Variants in PCMT1 observed in about 807,000 individuals in gnomAD.
PCMT1 encodes protein-L-isoaspartate(D-aspartate) O-methyltransferase.
PCMT1 carries 9 observed loss-of-function variants against 29.2 expected under a neutral mutation model. The ratio of observed to expected loss-of-function variants is 0.31; its 90% CI spans 0.19 to 0.54. The LOEUF (loss-of-function observed/expected upper bound fraction) is 0.54. PCMT1 is among the 20% of genes least tolerant of loss of function. The pLI is 0.95. For missense variants in PCMT1, 184 were observed against 282.2 expected (o/e 0.65, Z 2.49); for synonymous variants, 98 against 97.5 (o/e 1.00, Z -0.03).
intron 5 of PCMT1, chr6:149,794,971 G>A (rs577862844): frequency 5.0e-5 from 20 of 403,312 alleles, no homozygotes; most frequent in African/African-American, 2.5e-4. Flanking sequence ...CAAGGCGGGC[G>A]GATCACTTGT....
chr6:149,756,984 G>A (rs1199798911), intron 1 of PCMT1, among the ~76,000 whole-genome samples: 1 of 151,750 alleles, frequency 6.6e-6, no homozygotes. Context: ...GCGAAAACCC[G>A]TCTCTACTAA....
chr6:149,806,001 T>G (rs1429257703), intron 7 of PCMT1, among the ~76,000 whole-genome samples: 1 of 151,950 alleles, frequency 6.6e-6, no homozygotes, highest in African/African-American at 2.4e-5. Context: ...AAAAAAAAAT[T>G]TCTCCAGGTG....
chr6:149,769,694 G>A (rs1316713300), intron 1 of PCMT1, among the ~76,000 whole-genome samples: 1 of 151,572 alleles, frequency 6.6e-6, no homozygotes, highest in African/African-American at 2.4e-5. Context: ...AAACTCCTGG[G>A]CTCAAGCAAT....
At chr6:149,778,207 A>AT (rs1259030641) in intron 3 of PCMT1, among the ~76,000 whole-genome samples, 1 of 147,508 alleles carries the variant, frequency 6.8e-6, no homozygotes, top group Non-Finnish European at 1.5e-5. Flanking sequence ...CTTTTGCTTA[A>AT]TTTTTTTTAA....
At chr6:149,762,236 G>A (rs1417898593) in intron 1 of PCMT1, among the ~76,000 whole-genome samples, 2 of 151,456 alleles carry the variant, frequency 1.3e-5, no homozygotes, top group African/African-American at 2.4e-5. Context: ...GGATTCTATT[G>A]TAGTCTCCTT....
At chr6:149,755,659 TGTC>T in intron 1 of PCMT1, among the ~76,000 whole-genome samples, 1 of 152,346 alleles carries the variant, frequency 6.6e-6, no homozygotes, top group Admixed American at 6.5e-5. Context: ...TTCTTGATTT[TGTC>T]ATTTTACATA....
At chr6:149,753,815 G>A (rs1252772408) in intron 1 of PCMT1, among the ~76,000 whole-genome samples, 1 of 152,062 alleles carries the variant, frequency 6.6e-6, no homozygotes, top group Admixed American at 6.6e-5. Context: ...CTTATGTCAT[G>A]GCTTATATTA....
intron 6 of PCMT1, 138 bp downstream of exon 6, chr6:149,796,638 CTCTTT>C (rs1274403196): frequency 1.2e-5 from 7 of 568,304 alleles, no homozygotes; most frequent in African/African-American, 3.9e-5. Context: ...TTAGCTGTTA[CTCTTT>C]TCTTTTTTCA....
At chr6:149,774,763 G>A (rs573924723) in intron 3 of PCMT1, among the ~76,000 whole-genome samples, 180 of 142,698 alleles carry the variant, frequency 1.3e-3, no homozygotes, top group African/African-American at 4.4e-3. Flanking sequence ...CTGGAGTGCA[G>A]TGGCGCCATC....
Position 149,793,947 on chromosome 6 carries a change from G to A in PCMT1, c.418+278G>A, listed in dbSNP as rs77010404. Among the ~76,000 whole-genome samples the A allele has an allele frequency of 9.6e-3, 1,457 of 152,220 alleles. 24 individuals are homozygous for A. The highest frequency in any genetic ancestry group is 0.033 in the African/African-American group (1,373 of 41,526). On this transcript the variant is annotated intron_variant, in intron 5 of 7. Coordinates refer to ENST00000464889, the MANE Select transcript of PCMT1 (RefSeq NM_001360452.2). ...TTGTCTTTTGTGAAGTACCTGTTCA[G>A]ATATTGGATTGCTTGTATTTTTGAC...
chr6:149,764,122 GA>G (rs1786972366), intron 1 of PCMT1, among the ~76,000 whole-genome samples: 1 of 152,182 alleles, frequency 6.6e-6, no homozygotes, highest in Non-Finnish European at 1.5e-5. Flanking sequence ...AATTTCAGGG[GA>G]AATGAACCAC....
At chr6:149,801,417 GT>G (rs1220905641) in intron 6 of PCMT1, among the ~76,000 whole-genome samples, 4 of 152,048 alleles carry the variant, frequency 2.6e-5, no homozygotes, top group Non-Finnish European at 4.4e-5. Flanking sequence ...CCAGTTTCGG[GT>G]TTTCAGATTA....
At chr6:149,790,720 A>G (rs1788330956) in intron 4 of PCMT1, among the ~76,000 whole-genome samples, 1 of 151,960 alleles carries the variant, frequency 6.6e-6, no homozygotes, top group South Asian at 2.1e-4. Context: ...CTTAAAACCT[A>G]CTGAGGGACC....
intron 7 of PCMT1, among the ~76,000 whole-genome samples, chr6:149,808,882 C>A (rs896584106): frequency 6.6e-6 from 1 of 151,710 alleles, no homozygotes; most frequent in Non-Finnish European, 1.5e-5. Flanking sequence ...ATGATCCGCC[C>A]GCCTTGGCCT....
intron 1 of PCMT1, among the ~76,000 whole-genome samples, chr6:149,762,027 A>G (rs1328808517): frequency 4.6e-5 from 7 of 152,098 alleles, no homozygotes; most frequent in African/African-American, 1.7e-4. Context: ...ATGCTTCATC[A>G]GTTGCTTTAA....
intron 7 of PCMT1, among the ~76,000 whole-genome samples, chr6:149,805,486 C>T (rs559851012): frequency 1.6e-4 from 25 of 151,808 alleles, no homozygotes; most frequent in South Asian, 6.2e-4. Flanking sequence ...CCCAGCTACT[C>T]GGGAGGCTGA....
chr6:149,804,119 A>C (rs1775938857), intron 7 of PCMT1, among the ~76,000 whole-genome samples: 1 of 151,798 alleles, frequency 6.6e-6, no homozygotes, highest in African/African-American at 2.4e-5. Context: ...AAGGCATTTA[A>C]AAAATTACTG....
intron 7 of PCMT1, among the ~76,000 whole-genome samples, chr6:149,808,415 G>C (rs771849143): frequency 2.6e-5 from 4 of 151,978 alleles, no homozygotes; most frequent in Admixed American, 1.3e-4. Context: ...AGAGTATTAG[G>C]CTTTTAAAAA....
intron 7 of PCMT1, among the ~76,000 whole-genome samples, chr6:149,803,072 A>AAC (rs1562425837): frequency 3.3e-5 from 5 of 150,534 alleles, no homozygotes; most frequent in Non-Finnish European, 7.4e-5. Flanking sequence ...AAAAAAAAAA[A>AAC]AAAAAAAAAA....
Sources: allele counts gnomAD v4.1 joint callset (sites outside exome capture counted in the v4.1 genomes callset), GRCh38; gene constraint gnomAD v4.1.1; transcripts MANE v1.5; gene names NCBI Gene and HGNC (gene_info 2026-07-23, HGNC 2026-07-21).